MBOAT1: variants seen among roughly 807,000 people sequenced by gnomAD.
The protein encoded by MBOAT1 is membrane-bound glycerophospholipid O-acyltransferase 1.
Under a neutral mutation model 64.4 loss-of-function variants are expected in MBOAT1, and 67 were observed. The observed-to-expected ratio is 1.04, with a 90% CI of 0.85 to 1.27. The LOEUF is 1.27. Ranked by LOEUF, MBOAT1 falls within the 50% of genes most tolerant of loss-of-function variation. The pLI is 0.00. For synonymous variants in MBOAT1, 229 were observed against 218.9 expected (o/e 1.05, Z -0.41); for missense variants, 563 against 604.6 (o/e 0.93, Z 0.72).
chr6:20,144,308 A>C lies in MBOAT1; in HGVS notation c.331T>G (p.Phe111Val). The C allele has an allele frequency of 6.2e-7, 1 of 1,607,274 alleles. No individual in the cohort carries two copies. The highest frequency in any genetic ancestry group is 8.5e-7 in the Non-Finnish European group (1 of 1,175,032). Residue 111 changes from phenylalanine (F) to valine (V), a missense_variant, in exon 4 of 13, where the codon TTT becomes GTT. Coordinates refer to ENST00000324607, the MANE Select transcript of MBOAT1 (RefSeq NM_001080480.3). The stretch of plus-strand genomic sequence containing the variant: ...GTAAGATATCCCATTGCTACAAAAA[A>C]GGAATATCTGAAAGCAAAAACATAG... ...ASVSNIHRYS[F>V]FVAMGYLTIC... is the part of the protein sequence containing the mutation.
intron 12 of MBOAT1, among the ~76,000 whole-genome samples, chr6:20,103,395 G>A (rs1460134146): frequency 6.6e-6 from 1 of 151,992 alleles, no homozygotes; most frequent in Non-Finnish European, 1.5e-5. Flanking sequence ...CCTGTACCAC[G>A]TTTTTGTTGT....
chr6:20,151,273 T>C lies in MBOAT1; in HGVS notation c.246-11A>G, dbSNP rs202199694. The C allele has an allele frequency of 2.5e-6, 4 of 1,592,220 alleles. No homozygotes were observed. The African/African-American group carries it at 5.4e-5, about 21-fold the overall frequency. ...AGATGCACAGAGTACCTTTAAGACA[T>C]AATAGTAGGGGGAGGAGTAATGAAT... On this transcript the variant is annotated splice_polypyrimidine_tract_variant and intron_variant, in intron 2 of 12. Coordinates refer to ENST00000324607, the MANE Select transcript of MBOAT1 (RefSeq NM_001080480.3).
chr6:20,140,867 A>G (rs1761149035), intron 4 of MBOAT1, among the ~76,000 whole-genome samples: 1 of 152,228 alleles, frequency 6.6e-6, no homozygotes, highest in African/African-American at 2.4e-5. Flanking sequence ...TTGGGAATAA[A>G]CACATATAAC....
chr6:20,111,140 C>G (rs554679680), intron 11 of MBOAT1, among the ~76,000 whole-genome samples: 5 of 152,238 alleles, frequency 3.3e-5, no homozygotes, highest in South Asian at 2.1e-4. Context: ...ATTGCTAGGT[C>G]GAAGGATATA....
At chr6:20,179,627 T>C (rs552053970) in intron 1 of MBOAT1, among the ~76,000 whole-genome samples, 60 of 152,302 alleles carry the variant, frequency 3.9e-4, no homozygotes, top group Admixed American at 8.5e-4. Context: ...AATGAACATA[T>C]GCATGCATGT....
chr6:20,102,550 C>A, intron 12 of MBOAT1, 138 bp from the exon 13 acceptor site: 1 of 635,944 alleles, frequency 1.6e-6, no homozygotes, highest in African/African-American at 1.8e-5. Flanking sequence ...TCAGGCTTCC[C>A]TCAATCTGCT....
At chr6:20,152,184 G>T (rs1184986719) in intron 2 of MBOAT1, among the ~76,000 whole-genome samples, 1 of 151,910 alleles carries the variant, frequency 6.6e-6, no homozygotes, top group African/African-American at 2.4e-5. Flanking sequence ...AAAATTACCT[G>T]GGCATGGTGA....
intron 1 of MBOAT1, among the ~76,000 whole-genome samples, chr6:20,206,818 C>A (rs921981066): frequency 6.6e-6 from 1 of 152,156 alleles, no homozygotes; most frequent in Non-Finnish European, 1.5e-5. Context: ...TCACCCCCAC[C>A]CTCAGGCGCA....
intron 1 of MBOAT1, among the ~76,000 whole-genome samples, chr6:20,171,386 A>T (rs1037447132): frequency 1.6e-5 from 2 of 123,624 alleles, no homozygotes; most frequent in African/African-American, 5.9e-5. Context: ...AAAACTTAAA[A>T]AAAAAAAAAA....
At chr6:20,176,630 T>C (rs1762349728) in intron 1 of MBOAT1, among the ~76,000 whole-genome samples, 1 of 152,192 alleles carries the variant, frequency 6.6e-6, no homozygotes, top group South Asian at 2.1e-4. Context: ...AATAGCTAAT[T>C]TTTAATTTTT....
chr6:20,109,405 G>A (rs1193878026), intron 12 of MBOAT1, among the ~76,000 whole-genome samples, 193 bp downstream of exon 12: 2 of 152,174 alleles, frequency 1.3e-5, no homozygotes, highest in Non-Finnish European at 2.9e-5. Flanking sequence ...AACAGTGCTT[G>A]TATGTATTGG....
chr6:20,203,382 G>T (rs1285998684), intron 1 of MBOAT1, among the ~76,000 whole-genome samples: 2 of 152,094 alleles, frequency 1.3e-5, no homozygotes, highest in African/African-American at 2.4e-5. Flanking sequence ...AATAGAGTAT[G>T]TCATCTTTAA....
intron 1 of MBOAT1, among the ~76,000 whole-genome samples, chr6:20,208,240 G>A: frequency 6.6e-6 from 1 of 151,884 alleles, no homozygotes. Context: ...AAGGTCAGGA[G>A]TTCGAGACCA....
chr6:20,143,027 TG>T (rs1298383122), intron 4 of MBOAT1, among the ~76,000 whole-genome samples: 2 of 152,220 alleles, frequency 1.3e-5, no homozygotes, highest in Non-Finnish European at 2.9e-5. Flanking sequence ...GCAAAGTTCA[TG>T]AGCCATGAGC....
chr6:20,128,795 G>C (rs1760733931), intron 5 of MBOAT1, 42 bp from the exon 6 acceptor site: 1 of 1,379,868 alleles, frequency 7.2e-7, no homozygotes, highest in Non-Finnish European at 1.0e-6. Flanking sequence ...TGTTTGAAGT[G>C]AATTAGATGA....
intron 1 of MBOAT1, among the ~76,000 whole-genome samples, chr6:20,185,156 G>A (rs1762616251): frequency 6.6e-6 from 1 of 151,990 alleles, no homozygotes; most frequent in Non-Finnish European, 1.5e-5. Flanking sequence ...AGGGTGAGGT[G>A]GGAGGATTGC....
At chr6:20,122,877 G>C (rs1001968135) in intron 8 of MBOAT1, among the ~76,000 whole-genome samples, 1 of 152,032 alleles carries the variant, frequency 6.6e-6, no homozygotes, top group African/African-American at 2.4e-5. Flanking sequence ...CATCATCCAG[G>C]CCGGAGTTCA....
chr6:20,168,608 GAAGAGAAGAGAAGAGA>G (rs1207632659), intron 1 of MBOAT1, among the ~76,000 whole-genome samples: 1 of 21,114 alleles, frequency 4.7e-5, no homozygotes, highest in Non-Finnish European at 1.5e-4. Flanking sequence ...AGAGAGAAGA[GAAGAGAAGAGAAGAGA>G]AGAGAAGAGA....
At chr6:20,112,792 A>C in intron 11 of MBOAT1, 84 bp downstream of exon 11, 3 of 1,445,698 alleles carry the variant, frequency 2.1e-6, no homozygotes, top group Non-Finnish European at 2.8e-6. Flanking sequence ...TCCCACCCCC[A>C]ACCCCTACTA....
Sources: allele counts gnomAD v4.1 joint callset (sites outside exome capture counted in the v4.1 genomes callset), GRCh38; gene constraint gnomAD v4.1.1; transcripts MANE v1.5; gene names NCBI Gene and HGNC (gene_info 2026-07-23, HGNC 2026-07-21).